CCNH: variants seen among roughly 807,000 people sequenced by gnomAD.
CCNH encodes cyclin H, also known as cyclin-H.
A neutral mutation model predicts 41.9 loss-of-function variants in CCNH; 31 were observed. That is an observed-to-expected ratio of 0.74 (90% CI 0.56 to 1.00). The LOEUF is 1.00. Among genes scored for constraint, CCNH ranks in the 50% least tolerant of loss-of-function variants. CCNH has a pLI of 0.00. For missense variants in CCNH, 362 were observed against 388.4 expected (o/e 0.93, Z 0.57); for synonymous variants, 138 against 136.1 (o/e 1.01, Z -0.10).
chr5:87,396,532 G>A (rs1339351765), intron 7 of CCNH, among the ~76,000 whole-genome samples: 2 of 152,174 alleles, frequency 1.3e-5, no homozygotes, highest in African/African-American at 4.8e-5. Flanking sequence ...GGCTGAGGCA[G>A]GAGAACTGCT....
chr5:87,403,436 T>G (rs1763560615), intron 5 of CCNH, among the ~76,000 whole-genome samples: 1 of 152,178 alleles, frequency 6.6e-6, no homozygotes, highest in African/African-American at 2.4e-5. Context: ...TTAATCAAAC[T>G]TTTGGTTATT....
At chr5:87,313,888 C>T (rs1000821053), downstream of CCNH, among the ~76,000 whole-genome samples, 11 of 152,134 alleles carry the variant, frequency 7.2e-5, no homozygotes, top group African/African-American at 2.7e-4. Flanking sequence ...CATGTTTGGG[C>T]CGGGCGTGGT....
chr5:87,411,392 TAAA>T (rs1764228675), intron 1 of CCNH, 46 bp from the exon 2 acceptor site: 3 of 1,547,402 alleles, frequency 1.9e-6, no homozygotes, highest in African/African-American at 2.8e-5. Flanking sequence ...TTCAATGAAT[TAAA>T]CAATTGTAAA....
chr5:87,367,968 A>G (rs2112470308), intron 9 of CCNH, among the ~76,000 whole-genome samples: 1 of 152,034 alleles, frequency 6.6e-6, no homozygotes, highest in East Asian at 1.9e-4. Flanking sequence ...TGTACCAACT[A>G]TAAATTAAAA....
intron 9 of CCNH, chr5:87,331,147 C>A: frequency 1.1e-6 from 1 of 871,056 alleles, no homozygotes; most frequent in Non-Finnish European, 1.8e-6. Context: ...GCTTTTAGAA[C>A]AAATTAAAGA....
In CCNH at chr5:87,353,046, T is replaced by C. The variant is rs1174523983; in HGVS notation, c.*91-34149A>G. 5.3e-6 allele frequency: 4 copies of C among 758,278 alleles called. No homozygotes were observed. In the Admixed American group the frequency reaches 9.0e-5, roughly 17 times the overall value. 47.0% of individuals were successfully genotyped at this position (758,278 alleles called of 1,614,324 possible). ...TATTAATGTATTTGTGTTATGTGCT[T>C]TGAAAAAAATTTGCTAATTAGATAA... On this transcript the variant is annotated intron_variant and NMD_transcript_variant, in intron 9 of 9. Coordinates refer to the CCNH transcript ENST00000645953.
intron 9 of CCNH, among the ~76,000 whole-genome samples, chr5:87,338,921 T>A (rs1363042958): frequency 1.3e-5 from 2 of 152,154 alleles, no homozygotes; most frequent in Non-Finnish European, 2.9e-5. Context: ...GTTATCATGG[T>A]ATCAATTACC....
In CCNH at chr5:87,394,505, G is replaced by A. The variant is rs761962975; in HGVS notation, c.934-21C>T. ...TCTTCCTAAGAAGGAAAAAAAGTGT[G>A]GTAAGGATAACACTGAAGCATAACC... On this transcript the variant is annotated intron_variant, in intron 8 of 8. Coordinates refer to ENST00000256897, the MANE Select transcript of CCNH (RefSeq NM_001239.4). The A allele has an allele frequency of 3.7e-6, 6 of 1,613,056 alleles. No individual in the cohort carries two copies. In the South Asian group the frequency reaches 6.6e-5, roughly 18 times the overall value.
chr5:87,389,585 TAATA>T, downstream of CCNH: 1 of 1,588,230 alleles, frequency 6.3e-7, no homozygotes, highest in Non-Finnish European at 8.6e-7. Flanking sequence ...CTTAGAGAGT[TAATA>T]AATAGCTGAA....
At chr5:87,357,359 A>G (rs560509172) in intron 9 of CCNH, among the ~76,000 whole-genome samples, 5 of 152,234 alleles carry the variant, frequency 3.3e-5, no homozygotes, top group Admixed American at 3.3e-4. Flanking sequence ...GGATCCTGCC[A>G]TATAGTTCCA....
At chr5:87,348,341 C>T (rs1759011308) in intron 9 of CCNH, among the ~76,000 whole-genome samples, 1 of 151,838 alleles carries the variant, frequency 6.6e-6, no homozygotes, top group Non-Finnish European at 1.5e-5. Context: ...TTGTGCTTTC[C>T]TAAAAACAAT....
intron 7 of CCNH, 146 bp downstream of exon 7, chr5:87,399,247 AT>A: frequency 1.5e-6 from 1 of 662,230 alleles, no homozygotes; most frequent in Non-Finnish European, 2.7e-6. Flanking sequence ...CCTTAATCTC[AT>A]TAGAAATGTC....
At chr5:87,371,936 T>G (rs1479940586), downstream of CCNH, among the ~76,000 whole-genome samples, 2 of 151,744 alleles carry the variant, frequency 1.3e-5, no homozygotes, top group African/African-American at 2.4e-5. Flanking sequence ...TTATTATTGT[T>G]ATTGTTATGT....
downstream of CCNH, among the ~76,000 whole-genome samples, chr5:87,317,593 A>G (rs1213116872): frequency 1.3e-5 from 2 of 150,900 alleles, no homozygotes; most frequent in Non-Finnish European, 2.9e-5. Flanking sequence ...TTTTAAGGAA[A>G]AGATGACCTT....
chr5:87,386,002 G>C (rs1265775078), intron 9 of CCNH, among the ~76,000 whole-genome samples: 1 of 151,944 alleles, frequency 6.6e-6, no homozygotes, highest in African/African-American at 2.4e-5. Context: ...AAATCACTAA[G>C]TAAATACGTT....
At chr5:87,335,850 C>G (rs1328130183) in intron 9 of CCNH, among the ~76,000 whole-genome samples, 2 of 152,132 alleles carry the variant, frequency 1.3e-5, no homozygotes, top group African/African-American at 2.4e-5. Context: ...GTAAAAGATT[C>G]ATTTAAAGTG....
At chr5:87,343,300 A>C (rs1257222807) in intron 9 of CCNH, among the ~76,000 whole-genome samples, 1 of 152,130 alleles carries the variant, frequency 6.6e-6, no homozygotes, top group Non-Finnish European at 1.5e-5. Context: ...ACTACATTCT[A>C]GTTCAGGACT....
At chr5:87,366,787 T>C (rs1325812730) in intron 9 of CCNH, among the ~76,000 whole-genome samples, 2 of 152,206 alleles carry the variant, frequency 1.3e-5, no homozygotes, top group East Asian at 3.9e-4. Flanking sequence ...ATCCCAGCAC[T>C]TCGGGAGCCC....
upstream of CCNH, among the ~76,000 whole-genome samples, chr5:87,381,525 T>C (rs543343124): frequency 3.4e-4 from 51 of 152,198 alleles, no homozygotes; most frequent in South Asian, 4.1e-4. Flanking sequence ...ACACAGTTTG[T>C]TTTGAAAATG....
Sources: allele counts gnomAD v4.1 joint callset (sites outside exome capture counted in the v4.1 genomes callset), GRCh38; gene constraint gnomAD v4.1.1; transcripts MANE v1.5; gene names NCBI Gene and HGNC (gene_info 2026-07-23, HGNC 2026-07-21).